The following RBFOX1 variants were observed in gnomAD, a reference collection of about 807,000 sequenced individuals.
RBFOX1 encodes the protein RNA binding fox-1 homolog 1.
A neutral mutation model predicts 57.7 loss-of-function variants in RBFOX1; 8 were observed. The observed-to-expected ratio is 0.14, with a 90% CI of 0.08 to 0.25. RBFOX1 has a LOEUF of 0.25. Among genes scored for constraint, RBFOX1 ranks in the 10% least tolerant of loss-of-function variants. The pLI is 1.00. For missense variants in RBFOX1, 611 were observed against 548.5 expected, an observed-to-expected ratio of 1.11 and a Z score of -1.14; for synonymous variants, 326 against 222.4, an observed-to-expected ratio of 1.47 and a Z score of -4.15.
chr16:7,446,948 G>T (rs1298091153), intron 4 of RBFOX1, among the ~76,000 whole-genome samples: 1 of 151,336 alleles, frequency 6.6e-6, no homozygotes, highest in Non-Finnish European at 1.5e-5. Flanking sequence ...AAGTAGCTGG[G>T]ACTACAGGTG....
chr16:6,492,484 G>C (rs139757284), intron 2 of RBFOX1, among the ~76,000 whole-genome samples: 12,204 of 152,180 alleles, frequency 0.08, 576 homozygotes, highest in Middle Eastern at 0.11. Flanking sequence ...CAGGAGAATC[G>C]CTTGAACCCG....
chr16:6,986,476 G>T (rs2153601413), intron 3 of RBFOX1, among the ~76,000 whole-genome samples: 1 of 152,284 alleles, frequency 6.6e-6, no homozygotes, highest in East Asian at 1.9e-4. Flanking sequence ...TGGTATTACA[G>T]GCGTGAGCCA....
intron 4 of RBFOX1, among the ~76,000 whole-genome samples, chr16:7,163,816 C>A (rs28656150): frequency 0.018 from 2,767 of 152,076 alleles, 85 homozygotes; most frequent in African/African-American, 0.064. Context: ...GCCACCACAC[C>A]CAGCTAATTT....
chr16:7,354,162 G>A (rs546314533), intron 4 of RBFOX1, among the ~76,000 whole-genome samples: 5 of 151,956 alleles, frequency 3.3e-5, no homozygotes, highest in African/African-American at 4.8e-5. Flanking sequence ...GTAGAGAAAG[G>A]GTTTCATCAC....
At chr16:6,005,493 G>A (rs2060677541) in intron 4 of RBFOX1, among the ~76,000 whole-genome samples, 2 of 152,214 alleles carry the variant, frequency 1.3e-5, no homozygotes, top group Admixed American at 1.3e-4. Context: ...GTAATACAAG[G>A]CATGAAGTGT....
intron 1 of RBFOX1, among the ~76,000 whole-genome samples, chr16:6,310,015 G>A (rs550527665): frequency 1.1e-4 from 17 of 152,242 alleles, no homozygotes; most frequent in African/African-American, 4.1e-4. Flanking sequence ...AGCCTCCCGA[G>A]GAGCTGGGAA....
intron 2 of RBFOX1, among the ~76,000 whole-genome samples, chr16:6,610,547 C>G (rs572071670): frequency 2.0e-5 from 3 of 152,194 alleles, no homozygotes; most frequent in African/African-American, 7.2e-5. Flanking sequence ...TAAGACTGCT[C>G]TCAAAATCCT....
intron 4 of RBFOX1, among the ~76,000 whole-genome samples, chr16:7,137,677 C>A (rs1276561382): frequency 6.6e-6 from 1 of 152,136 alleles, no homozygotes; most frequent in Non-Finnish European, 1.5e-5. Context: ...GGGGCAAGCT[C>A]CTTGGTTAGA....
intron 2 of RBFOX1, among the ~76,000 whole-genome samples, chr16:6,319,864 C>A (rs1382696090): frequency 6.6e-6 from 1 of 152,154 alleles, no homozygotes; most frequent in African/African-American, 2.4e-5. Flanking sequence ...TCCTATCAGG[C>A]TAAAAATCCC....
intron 3 of RBFOX1, among the ~76,000 whole-genome samples, chr16:6,973,054 C>G (rs955832413): frequency 2.6e-5 from 4 of 152,082 alleles, no homozygotes; most frequent in East Asian, 1.9e-4. Flanking sequence ...TCAGTTGAAC[C>G]TGGGAGGTGG....
intron 3 of RBFOX1, among the ~76,000 whole-genome samples, chr16:6,913,669 C>T (rs974198149): frequency 1.3e-5 from 2 of 152,188 alleles, no homozygotes; most frequent in Non-Finnish European, 2.9e-5. Flanking sequence ...CCTAGAAGCC[C>T]TTGGTAGACC....
At chr16:6,699,191 G>A (rs2061474424) in intron 3 of RBFOX1, among the ~76,000 whole-genome samples, 2 of 152,058 alleles carry the variant, frequency 1.3e-5, no homozygotes, top group South Asian at 4.2e-4. Context: ...ATTTTTATCA[G>A]TATGCAAGGC....
chr16:7,686,892 G>C (rs900576764), intron 14 of RBFOX1, among the ~76,000 whole-genome samples: 1 of 152,060 alleles, frequency 6.6e-6, no homozygotes, highest in Non-Finnish European at 1.5e-5. Flanking sequence ...TCCAAGTAAT[G>C]GAGATGAACT....
At chr16:5,293,046 C>T (rs1005261302) in intron 1 of RBFOX1, among the ~76,000 whole-genome samples, 7 of 152,032 alleles carry the variant, frequency 4.6e-5, no homozygotes, top group Admixed American at 4.6e-4. Context: ...GGAGGCTGGG[C>T]ACTGTGGCTC....
chr16:6,979,803 C>T (rs1052568253), intron 3 of RBFOX1, among the ~76,000 whole-genome samples: 1 of 152,146 alleles, frequency 6.6e-6, no homozygotes, highest in Admixed American at 6.5e-5. Flanking sequence ...ACCCTTTTCT[C>T]CTGCCTACAG....
At chr16:6,540,520 G>A (rs2096799148) in intron 2 of RBFOX1, among the ~76,000 whole-genome samples, 2 of 145,088 alleles carry the variant, frequency 1.4e-5, no homozygotes, top group Non-Finnish European at 3.0e-5. Flanking sequence ...GCTGAGGCAG[G>A]AAAATCGCTT....
At chr16:6,886,104 C>T (rs1316186933) in intron 3 of RBFOX1, among the ~76,000 whole-genome samples, 3 of 150,444 alleles carry the variant, frequency 2.0e-5, no homozygotes, top group African/African-American at 7.4e-5. Context: ...GCTCTGTCAC[C>T]AGGCTGGAGT....
chr16:6,922,352 C>G (rs924919209), intron 3 of RBFOX1, among the ~76,000 whole-genome samples: 1 of 152,188 alleles, frequency 6.6e-6, no homozygotes, highest in Non-Finnish European at 1.5e-5. Flanking sequence ...TCGCATGCTG[C>G]AGCCCCTTGC....
chr16:7,280,075 G>T (rs1308020455), intron 4 of RBFOX1, among the ~76,000 whole-genome samples: 1 of 152,238 alleles, frequency 6.6e-6, no homozygotes, highest in African/African-American at 2.4e-5. Context: ...AAAACAGATT[G>T]TGCCTGCTAT....
Sources: allele counts gnomAD v4.1 joint callset (sites outside exome capture counted in the v4.1 genomes callset), GRCh38; gene constraint gnomAD v4.1.1; transcripts MANE v1.5; gene names NCBI Gene and HGNC (gene_info 2026-07-23, HGNC 2026-07-21).